RGS7: variants seen among roughly 807,000 people sequenced by gnomAD.
The protein encoded by RGS7 is regulator of G protein signaling 7.
A neutral mutation model predicts 81.1 loss-of-function variants in RGS7; 27 were observed. The ratio of observed to expected loss-of-function variants is 0.33; its 90% CI spans 0.25 to 0.46. RGS7 has a LOEUF of 0.46. RGS7 is among the 20% of genes least tolerant of loss of function. RGS7 has a pLI of 1.00. For missense variants in RGS7, 396 were observed against 607.4 expected, an observed-to-expected ratio of 0.65 and a Z score of 3.66; for synonymous variants, 208 against 207.7, an observed-to-expected ratio of 1.00 and a Z score of -0.01.
intron 4 of RGS7, 81 bp downstream of exon 4, chr1:240,982,998 A>G (rs112769732): frequency 3.9e-6 from 3 of 775,084 alleles, no homozygotes; most frequent in Non-Finnish European, 6.8e-6. Context: ...CTTGCGTGCC[A>G]TATTAAAATA....
At chr1:241,058,291 C>T (rs1413774746) in intron 3 of RGS7, among the ~76,000 whole-genome samples, 2 of 152,182 alleles carry the variant, frequency 1.3e-5, no homozygotes, top group East Asian at 1.9e-4. Context: ...ACTGCCCATG[C>T]TCACCTCCCA....
chr1:241,028,941 T>C (rs2059929090), intron 3 of RGS7, among the ~76,000 whole-genome samples: 1 of 152,106 alleles, frequency 6.6e-6, no homozygotes, highest in Non-Finnish European at 1.5e-5. Context: ...AGATACTGTG[T>C]TCCTATTTCG....
intron 2 of RGS7, among the ~76,000 whole-genome samples, chr1:241,215,665 C>G (rs1573173313): frequency 6.6e-6 from 1 of 152,166 alleles, no homozygotes; most frequent in East Asian, 1.9e-4. Context: ...TTCTAGCCAC[C>G]CAAGAGATAT....
intron 2 of RGS7, among the ~76,000 whole-genome samples, chr1:241,323,277 T>C (rs1276216458): frequency 1.3e-5 from 2 of 152,254 alleles, no homozygotes; most frequent in African/African-American, 4.8e-5. Flanking sequence ...ATGTTTTAAA[T>C]ACCAATGAAT....
chr1:241,275,417 T>G (rs2078142585), intron 2 of RGS7, among the ~76,000 whole-genome samples: 1 of 152,220 alleles, frequency 6.6e-6, no homozygotes, highest in Admixed American at 6.5e-5. Flanking sequence ...AGCACACCCC[T>G]AACAGGATAC....
At chr1:240,815,250 G>C (rs10926362) in intron 11 of RGS7, among the ~76,000 whole-genome samples, 67,403 of 151,684 alleles carry the variant, frequency 0.44, 17,500 homozygotes, top group Non-Finnish European at 0.58. Context: ...GCTGAGGCAG[G>C]AGGATCACCT....
chr1:241,060,018 C>T (rs1408890331), intron 3 of RGS7, among the ~76,000 whole-genome samples: 1 of 152,110 alleles, frequency 6.6e-6, no homozygotes, highest in Non-Finnish European at 1.5e-5. Flanking sequence ...TCAAATTCAC[C>T]CATTTCTCTC....
intron 1 of RGS7, 76 bp downstream of exon 1, chr1:241,356,823 G>A (rs545169139): frequency 6.6e-6 from 1 of 150,636 alleles, no homozygotes; most frequent in Non-Finnish European, 1.5e-5. Context: ...TGCGCAGAGC[G>A]AGGGCTGGGT....
At chr1:241,199,717 A>G (rs965810435) in intron 2 of RGS7, among the ~76,000 whole-genome samples, 6 of 151,704 alleles carry the variant, frequency 4.0e-5, no homozygotes, top group Admixed American at 6.6e-5. Context: ...GATGATGGGA[A>G]TGAAAACAAC....
At chr1:240,849,676 C>T (rs1275305797) in intron 9 of RGS7, among the ~76,000 whole-genome samples, 1 of 152,058 alleles carries the variant, frequency 6.6e-6, no homozygotes. Flanking sequence ...TGTGGTGCCT[C>T]CCCTCCTCTC....
At chr1:241,329,935 GTTTGTTT>G (rs760382533) in intron 2 of RGS7, among the ~76,000 whole-genome samples, 6 of 151,038 alleles carry the variant, frequency 4.0e-5, no homozygotes, top group South Asian at 2.1e-4. Flanking sequence ...TTTTTTGTTT[GTTTGTTT>G]TTTGTTTTTT....
At chr1:241,251,878 C>T (rs1359628415) in intron 2 of RGS7, among the ~76,000 whole-genome samples, 1 of 152,018 alleles carries the variant, frequency 6.6e-6, no homozygotes, top group African/African-American at 2.4e-5. Context: ...CCTTTTGCCA[C>T]TCTCAGGTAA....
intron 2 of RGS7, among the ~76,000 whole-genome samples, chr1:241,345,783 C>T (rs1054664435): frequency 2.0e-5 from 3 of 152,004 alleles, no homozygotes; most frequent in Admixed American, 6.6e-5. Flanking sequence ...TTTGGGAGGC[C>T]GAGGTGGGTG....
Position 241,073,870 on chromosome 1 carries a change from T to C in RGS7, c.175+24796A>G, listed in dbSNP as rs147316155. On this transcript the variant is annotated intron_variant, in intron 3 of 18. Coordinates refer to ENST00000440928, the MANE Select transcript of RGS7 (RefSeq NM_001364886.1). ...CGTACCTTAGCGATAAAAGTAGAGA[T>C]GATTAACTGTCTTTCTGTCTTTGTC... Among the ~76,000 whole-genome samples the C allele has an allele frequency of 7.3e-5, 11 of 151,458 alleles. No individual in the cohort carries two copies. The East Asian group carries it at 2.1e-3, about 29-fold the overall frequency.
chr1:240,887,332 C>G (rs984767980), intron 6 of RGS7, among the ~76,000 whole-genome samples: 4 of 150,798 alleles, frequency 2.7e-5, no homozygotes, highest in Admixed American at 6.6e-5. Context: ...GGGTTCACGC[C>G]ATTCTCCTGC....
intron 2 of RGS7, among the ~76,000 whole-genome samples, chr1:241,268,321 A>G (rs79609565): frequency 2.6e-5 from 4 of 152,062 alleles, no homozygotes; most frequent in African/African-American, 9.6e-5. Flanking sequence ...GGGTTTCTCA[A>G]CCTCGGCACT....
In RGS7 at chr1:241,315,891, G is replaced by A. The variant is rs114465043; in HGVS notation, c.78+39808C>T. ...AATTCTTTCTACACATATATTATTA[G>A]GCATTTTTATCAATAAAGGTTGTTA... is the stretch of plus-strand genomic sequence containing the variant. On this transcript the variant is annotated intron_variant, in intron 2 of 18. Coordinates refer to ENST00000440928, the MANE Select transcript of RGS7 (RefSeq NM_001364886.1). Among the ~76,000 whole-genome samples, 878 of 152,116 alleles carry A rather than the reference G, an allele frequency of 5.8e-3. 5 individuals are homozygous for A. The highest frequency in any genetic ancestry group is 0.02 in the African/African-American group (809 of 41,476).
chr1:240,790,035 G>C (rs992567445), intron 18 of RGS7, among the ~76,000 whole-genome samples: 1 of 152,102 alleles, frequency 6.6e-6, no homozygotes, highest in Non-Finnish European at 1.5e-5. Flanking sequence ...TCTCAGACCA[G>C]CTGACACTTA....
intron 2 of RGS7, among the ~76,000 whole-genome samples, chr1:241,189,524 T>A (rs2072423276): frequency 6.6e-6 from 1 of 152,246 alleles, no homozygotes; most frequent in Non-Finnish European, 1.5e-5. Context: ...TTAATTTTGA[T>A]AAAGTCCAAT....
Sources: allele counts gnomAD v4.1 joint callset (sites outside exome capture counted in the v4.1 genomes callset), GRCh38; gene constraint gnomAD v4.1.1; transcripts MANE v1.5; gene names NCBI Gene and HGNC (gene_info 2026-07-23, HGNC 2026-07-21).